The following FUT8 variants were observed in gnomAD, a reference collection of about 807,000 sequenced individuals.
FUT8 encodes fucosyltransferase 8.
In FUT8, 29 loss-of-function variants were observed where a neutral mutation model predicts 71.3. That is an observed-to-expected ratio of 0.41 (90% confidence interval 0.30 to 0.55). The LOEUF is 0.55. FUT8 is among the 20% of genes least tolerant of loss of function. FUT8 has a pLI of 0.34. For missense variants in FUT8, 544 were observed against 702.1 expected, an observed-to-expected ratio of 0.77 and a Z score of 2.55; for synonymous variants, 254 against 239.3, an observed-to-expected ratio of 1.06 and a Z score of -0.57.
chr14:65,381,913 A>G, the FUT8 span, among the ~76,000 whole-genome samples: 1 of 152,070 alleles, frequency 6.6e-6, no homozygotes, highest in Non-Finnish European at 1.5e-5. Context: ...ATTGCACGAA[A>G]CTTCTTGAAA....
intron 7 of FUT8, among the ~76,000 whole-genome samples, chr14:65,677,184 G>A (rs1892802765): frequency 6.9e-6 from 1 of 144,964 alleles, no homozygotes; most frequent in East Asian, 2.1e-4. Flanking sequence ...GTATGTGTGT[G>A]CGCATGTGTG....
intron 6 of FUT8, among the ~76,000 whole-genome samples, chr14:65,666,458 T>G (rs1488050051): frequency 6.6e-6 from 1 of 152,082 alleles, no homozygotes; most frequent in African/African-American, 2.4e-5. Context: ...CCTGGAAACA[T>G]ACAACCTCCC....
In FUT8 at chr14:65,618,705, CTT is replaced by C. The variant is rs144921019; in HGVS notation, c.482+2335_482+2336del. Reference sequence around the variant, plus strand: ...GTATAAGAATTAAAATCAAAACAAACTTTTAGGTTTGCCTCTGGTAATTTTTA... The same window carrying C: ...GTATAAGAATTAAAATCAAAACAAACTTAGGTTTGCCTCTGGTAATTTTTA... On this transcript the variant is annotated intron_variant, in intron 5 of 10. Transcript: ENST00000673929. 5.8e-3 allele frequency among the ~76,000 whole-genome samples: 878 copies of C among 152,210 alleles called. 31 individuals are homozygous for C. The East Asian group carries it at 0.093, about 16-fold the overall frequency.
the FUT8 span, among the ~76,000 whole-genome samples, chr14:65,366,459 G>A: frequency 4.6e-5 from 7 of 152,104 alleles, no homozygotes; most frequent in Non-Finnish European, 8.8e-5. Context: ...TTGTTTTTTG[G>A]CGGAGAAAAG....
chr14:65,491,776 A>G (rs1044697233), intron 2 of FUT8, among the ~76,000 whole-genome samples: 5 of 152,160 alleles, frequency 3.3e-5, no homozygotes, highest in African/African-American at 1.2e-4. Context: ...GAACTTTGAG[A>G]CTTTAGTAAG....
intron 2 of FUT8, among the ~76,000 whole-genome samples, chr14:65,548,408 A>G (rs1188372505): frequency 1.3e-5 from 2 of 151,808 alleles, no homozygotes; most frequent in East Asian, 1.9e-4. Context: ...TCAATGGCTT[A>G]TTTCTTTTTA....
upstream of FUT8, among the ~76,000 whole-genome samples, chr14:65,408,172 G>A (rs1333705301): frequency 2.0e-5 from 3 of 152,172 alleles, no homozygotes; most frequent in African/African-American, 7.2e-5. Flanking sequence ...TGGGAGGCAG[G>A]CTGCTCTACC....
At chr14:65,423,307 G>A (rs1424081868) in intron 1 of FUT8, among the ~76,000 whole-genome samples, 1 of 149,244 alleles carries the variant, frequency 6.7e-6, no homozygotes, top group Non-Finnish European at 1.5e-5. Flanking sequence ...TGTCGGCCAG[G>A]CTGGAGTGCA....
chr14:65,598,573 A>T (rs750976398), intron 3 of FUT8, among the ~76,000 whole-genome samples: 1 of 152,044 alleles, frequency 6.6e-6, no homozygotes, highest in Admixed American at 6.6e-5. Flanking sequence ...TCTATTTACT[A>T]TGTATACATC....
chr14:65,540,018 A>G (rs1884582770), intron 2 of FUT8, among the ~76,000 whole-genome samples: 1 of 152,242 alleles, frequency 6.6e-6, no homozygotes, highest in South Asian at 2.1e-4. Context: ...TCAAAATTGT[A>G]ACCTTAGTAT....
intron 3 of FUT8, among the ~76,000 whole-genome samples, chr14:65,587,354 ATATT>A (rs916866000): frequency 6.6e-6 from 1 of 152,240 alleles, no homozygotes; most frequent in Non-Finnish European, 1.5e-5. Context: ...CTTAAGTCAA[ATATT>A]TAGTTAATTT....
At chr14:65,492,567 G>A (rs886452624) in intron 2 of FUT8, among the ~76,000 whole-genome samples, 1 of 152,110 alleles carries the variant, frequency 6.6e-6, no homozygotes, top group African/African-American at 2.4e-5. Context: ...TGGAGTCTCA[G>A]CGCCTACTCT....
chr14:65,692,516 C>A (rs1365002941), intron 7 of FUT8, among the ~76,000 whole-genome samples: 34 of 126,334 alleles, frequency 2.7e-4, no homozygotes, highest in African/African-American at 8.4e-4. Context: ...TGACCCCCCC[C>A]CCACCTCCCT....
At chr14:65,491,929 G>A (rs561230644) in intron 2 of FUT8, among the ~76,000 whole-genome samples, 2 of 152,140 alleles carry the variant, frequency 1.3e-5, no homozygotes, top group South Asian at 2.1e-4. Context: ...AGAAGCTCTG[G>A]TGTCATGTGT....
upstream of FUT8, chr14:65,411,877 T>C (rs1323409286): frequency 2.7e-6 from 1 of 370,106 alleles, no homozygotes; most frequent in South Asian, 2.0e-5. Flanking sequence ...CTACTTTGTG[T>C]GCTGGGGCGG....
At chr14:65,594,974 G>A (rs1337686030) in intron 3 of FUT8, among the ~76,000 whole-genome samples, 3 of 152,162 alleles carry the variant, frequency 2.0e-5, no homozygotes, top group East Asian at 3.9e-4. Context: ...GGGAGAGAGC[G>A]GGCACACAGG....
chr14:65,383,757 G>C, the FUT8 span, among the ~76,000 whole-genome samples: 3 of 152,112 alleles, frequency 2.0e-5, no homozygotes, highest in Non-Finnish European at 4.4e-5. Flanking sequence ...ATTAGGACTG[G>C]TTTCAACTCA....
chr14:65,526,501 C>G (rs1451344557), intron 2 of FUT8, among the ~76,000 whole-genome samples: 1 of 152,160 alleles, frequency 6.6e-6, no homozygotes, highest in Non-Finnish European at 1.5e-5. Context: ...ACTGATGGGT[C>G]TTGACTCTTT....
the FUT8 span, among the ~76,000 whole-genome samples, chr14:65,363,509 G>A: frequency 2.0e-5 from 3 of 152,228 alleles, no homozygotes; most frequent in African/African-American, 7.2e-5. Flanking sequence ...TGTCCGCCTC[G>A]GTTTTCCAAA....
Sources: allele counts gnomAD v4.1 joint callset (sites outside exome capture counted in the v4.1 genomes callset), GRCh38; gene constraint gnomAD v4.1.1; transcripts MANE v1.5; gene names NCBI Gene and HGNC (gene_info 2026-07-23, HGNC 2026-07-21).